ALKBH5: variants seen among roughly 807,000 people sequenced by gnomAD.
The protein encoded by ALKBH5 is alkB homolog 5, RNA demethylase.
ALKBH5 carries 2 observed loss-of-function variants against 32.1 expected under a neutral mutation model. The ratio of observed to expected loss-of-function variants is 0.06; its 90% confidence interval spans 0.03 to 0.20. The LOEUF (loss-of-function observed/expected upper bound fraction) is 0.20, where lower values mean the gene tolerates loss of function less well. ALKBH5 is among the 10% of genes least tolerant of loss of function. The pLI is 1.00. For missense variants in ALKBH5, 352 were observed against 559.5 expected (o/e 0.63, Z 3.74); for synonymous variants, 300 against 231.7 (o/e 1.29, Z -2.68).
At chr17:18,193,366 T>A (rs931442412) in intron 1 of ALKBH5, among the ~76,000 whole-genome samples, 23 of 151,812 alleles carry the variant, frequency 1.5e-4, no homozygotes, top group Non-Finnish European at 2.4e-4. Context: ...ACCAACATAG[T>A]GAAACCCCAT....
chr17:18,204,297 C>A (rs2047257484), intron 2 of ALKBH5, among the ~76,000 whole-genome samples: 1 of 152,030 alleles, frequency 6.6e-6, no homozygotes, highest in African/African-American at 2.4e-5. Flanking sequence ...ACTAAAAATA[C>A]AAAAGTAGCC....
chr17:18,195,588 A>G (rs2047200002), intron 2 of ALKBH5, among the ~76,000 whole-genome samples: 1 of 152,150 alleles, frequency 6.6e-6, no homozygotes, highest in South Asian at 2.1e-4. Flanking sequence ...CTTCACCAGC[A>G]TTTATTTCTT....
intron 2 of ALKBH5, among the ~76,000 whole-genome samples, chr17:18,197,703 C>T (rs577210608): frequency 6.6e-6 from 1 of 152,226 alleles, no homozygotes; most frequent in African/African-American, 2.4e-5. Flanking sequence ...CGTTAATCAG[C>T]TCCCTGGGAA....
intron 1 of ALKBH5, among the ~76,000 whole-genome samples, chr17:18,192,530 G>A (rs974046462): frequency 1.3e-5 from 2 of 152,164 alleles, no homozygotes; most frequent in Non-Finnish European, 2.9e-5. Flanking sequence ...AGAACCTACT[G>A]TTCTCCTTAT....
rs369170825 is a variant in ALKBH5 at position 18,184,915 on chromosome 17, T to C, written c.672T>C (p.Ser224=). The change falls in exon 1 of 4, where the codon TCT becomes TCC. Residue 224 remains serine, a synonymous_variant. Transcript: ENST00000399138. ...PIVSVSFFSD[S]ALCFGCKFQF... ...TGTCCGTGTCCTTCTTTAGCGACTC[T>C]GCGCTGTGCTTCGGCTGCAAGTTCC... 9 of 1,614,208 alleles carry C rather than the reference T, an allele frequency of 5.6e-6. No homozygotes were observed. Among genetic ancestry groups the C allele is most frequent in the African/African-American group, 4.0e-5 (3 of 75,076 alleles).
At chr17:18,189,103 C>T (rs1232167287) in intron 1 of ALKBH5, among the ~76,000 whole-genome samples, 1 of 151,768 alleles carries the variant, frequency 6.6e-6, no homozygotes, top group African/African-American at 2.4e-5. Context: ...CAAGGCCGGG[C>T]GCGGTGGCTC....
chr17:18,196,214 C>CT (rs575337257), intron 2 of ALKBH5, among the ~76,000 whole-genome samples: 43,876 of 140,612 alleles, frequency 0.31, 6,867 homozygotes, highest in South Asian at 0.36. Context: ...TTGCCTTATT[C>CT]TTTTTTTTTT....
rs2142464511 is a variant in ALKBH5 at position 18,184,216 on chromosome 17, A to T, written c.-28A>T. 1 of 1,472,892 alleles carries T rather than the reference A, an allele frequency of 6.8e-7. No individual in the cohort carries two copies. The highest frequency in any genetic ancestry group is 1.3e-5 in the South Asian group (1 of 75,968). The allele number at this position is 1,472,892 out of a possible 1,614,324, so 91.2% of individuals were successfully genotyped here. On this transcript the variant is annotated 5_prime_UTR_variant, in exon 1 of 4. Coordinates refer to ENST00000399138, the MANE Select transcript of ALKBH5 (RefSeq NM_017758.4). ...TGCCCGGCTGCCCCGCCCGCCCCGG[A>T]GGACCCTAGAGCAGCGTCGTGGGGG...
chr17:18,197,472 C>G (rs2142480298), intron 2 of ALKBH5, among the ~76,000 whole-genome samples: 1 of 152,348 alleles, frequency 6.6e-6, no homozygotes, highest in South Asian at 2.1e-4. Context: ...AGAGGAACTT[C>G]TAATGTTACA....
intron 2 of ALKBH5, among the ~76,000 whole-genome samples, chr17:18,195,704 C>T (rs537803513): frequency 6.6e-6 from 1 of 152,354 alleles, no homozygotes; most frequent in South Asian, 2.1e-4. Flanking sequence ...GTGGTGCCAT[C>T]ATAGCTCACT....
chr17:18,208,787 G>A lies in ALKBH5; in HGVS notation c.*391G>A, dbSNP rs2047287024. 2.9e-6 allele frequency: 1 copy of A among 342,378 alleles called. No homozygotes were observed. The highest frequency in any genetic ancestry group is 2.4e-5 in the South Asian group (1 of 42,536). 21.2% of individuals were successfully genotyped at this position (342,378 alleles called of 1,614,324 possible). A position where few individuals can be genotyped will look rare whatever the true frequency, so the allele number is the denominator to read the frequency against. On this transcript the variant is annotated 3_prime_UTR_variant, in exon 4 of 4. Coordinates refer to ENST00000399138, the MANE Select transcript of ALKBH5 (RefSeq NM_017758.4). Reference sequence around the variant, plus strand: ...TTTGCTTTCAGTGTAAATCTTCGCAGTGTTCTAAACAAAGTTCAGTCTTCT... The same window carrying A: ...TTTGCTTTCAGTGTAAATCTTCGCAATGTTCTAAACAAAGTTCAGTCTTCT...
intron 1 of ALKBH5, among the ~76,000 whole-genome samples, chr17:18,188,648 G>T (rs894220564): frequency 2.6e-5 from 4 of 152,234 alleles, no homozygotes; most frequent in African/African-American, 9.7e-5. Flanking sequence ...CTGGGCCAGG[G>T]GGGTTGGCTG....
intron 2 of ALKBH5, among the ~76,000 whole-genome samples, chr17:18,201,786 G>GATAGATAGGTA (rs200689873): frequency 0.015 from 1,299 of 84,036 alleles, 21 homozygotes; most frequent in South Asian, 0.052. Flanking sequence ...TAGATAGATA[G>GATAGATAGGTA]GATAGATAAG....
At chr17:18,185,615 A>T (rs2047134671) in intron 1 of ALKBH5, among the ~76,000 whole-genome samples, 1 of 152,232 alleles carries the variant, frequency 6.6e-6, no homozygotes, top group South Asian at 2.1e-4. Flanking sequence ...TCCTGGCTGC[A>T]GAAGAGCCCA....
chr17:18,199,028 T>C (rs556898042), intron 2 of ALKBH5, among the ~76,000 whole-genome samples: 13 of 152,256 alleles, frequency 8.5e-5, no homozygotes, highest in Admixed American at 3.3e-4. Context: ...GTCGTTGGGA[T>C]GGATGCTTTG....
intron 1 of ALKBH5, among the ~76,000 whole-genome samples, chr17:18,189,678 G>A (rs117890175): frequency 0.012 from 1,756 of 152,292 alleles, 20 homozygotes; most frequent in Non-Finnish European, 0.019. Context: ...GTTGACTTCG[G>A]GGAAATTAAG....
intron 2 of ALKBH5, among the ~76,000 whole-genome samples, chr17:18,198,521 T>C (rs2047217586): frequency 6.6e-6 from 1 of 152,168 alleles, no homozygotes. Context: ...GCTGGTTTGA[T>C]GTCTTCTGGT....
At chr17:18,195,400 A>G (rs750021050) in intron 2 of ALKBH5, among the ~76,000 whole-genome samples, 8 of 151,980 alleles carry the variant, frequency 5.3e-5, no homozygotes, top group Non-Finnish European at 1.2e-4. Context: ...TTATTTTTAG[A>G]CTGTGCCTTT....
chr17:18,197,650 C>G (rs2047212025), intron 2 of ALKBH5, among the ~76,000 whole-genome samples: 1 of 152,246 alleles, frequency 6.6e-6, no homozygotes, highest in African/African-American at 2.4e-5. Flanking sequence ...GCCGCCCAGT[C>G]CAACTGAGTC....
Sources: allele counts gnomAD v4.1 joint callset (sites outside exome capture counted in the v4.1 genomes callset), GRCh38; gene constraint gnomAD v4.1.1; transcripts MANE v1.5; gene names NCBI Gene and HGNC (gene_info 2026-07-23, HGNC 2026-07-21).